Variants in GRIN2B observed in about 807,000 individuals in gnomAD.
GRIN2B encodes glutamate receptor ionotropic, NMDA 2B.
A neutral mutation model predicts 114.5 loss-of-function variants in GRIN2B; 5 were observed. The observed-to-expected ratio is 0.04, with a 90% CI of 0.02 to 0.09. The LOEUF (loss-of-function observed/expected upper bound fraction) is 0.09. Ranked by LOEUF, GRIN2B falls within the 10% of genes least tolerant of loss-of-function variation. The pLI, the probability that GRIN2B is intolerant of heterozygous loss-of-function variation, is 1.00. For missense variants in GRIN2B, 1,108 were observed against 1,943.5 expected, an observed-to-expected ratio of 0.57 and a Z score of 8.08; for synonymous variants, 787 against 745.1, an observed-to-expected ratio of 1.06 and a Z score of -0.92.
chr12:13,723,736 T>C (rs1862922290), intron 4 of GRIN2B, among the ~76,000 whole-genome samples: 1 of 152,090 alleles, frequency 6.6e-6, no homozygotes, highest in Non-Finnish European at 1.5e-5. Flanking sequence ...GGGTAACGTA[T>C]TGGGTTATGT....
intron 3 of GRIN2B, among the ~76,000 whole-genome samples, chr12:13,793,288 G>C (rs1864352236): frequency 6.6e-6 from 1 of 152,138 alleles, no homozygotes; most frequent in Non-Finnish European, 1.5e-5. Context: ...AGGAGTGGTG[G>C]TGCATACCTA....
chr12:13,676,395 G>A (rs1950074686), intron 4 of GRIN2B, among the ~76,000 whole-genome samples: 1 of 152,064 alleles, frequency 6.6e-6, no homozygotes, highest in African/African-American at 2.4e-5. Flanking sequence ...GTTCAGCCTA[G>A]AGGTATGACT....
At chr12:13,886,526 G>C (rs568669382) in intron 2 of GRIN2B, among the ~76,000 whole-genome samples, 2 of 152,256 alleles carry the variant, frequency 1.3e-5, no homozygotes, top group South Asian at 2.1e-4. Flanking sequence ...TTGAACAGAG[G>C]AGTATTGATG....
At chr12:13,734,521 T>C (rs951515916) in intron 4 of GRIN2B, among the ~76,000 whole-genome samples, 3 of 152,226 alleles carry the variant, frequency 2.0e-5, no homozygotes, top group African/African-American at 7.2e-5. Flanking sequence ...TTTTCACACA[T>C]GAAGATGGCA....
At chr12:13,595,835 T>C (rs772668165) in intron 10 of GRIN2B, among the ~76,000 whole-genome samples, 1 of 152,174 alleles carries the variant, frequency 6.6e-6, no homozygotes, top group Non-Finnish European at 1.5e-5. Context: ...TATAGGTAGT[T>C]GGCCACAATT....
At chr12:13,890,285 A>T (rs1320831230) in intron 2 of GRIN2B, among the ~76,000 whole-genome samples, 1 of 152,180 alleles carries the variant, frequency 6.6e-6, no homozygotes, top group Non-Finnish European at 1.5e-5. Context: ...TGGTTTTAAC[A>T]TCCTGTGAAG....
chr12:13,876,557 C>T (rs866802238), intron 2 of GRIN2B, among the ~76,000 whole-genome samples: 5 of 152,188 alleles, frequency 3.3e-5, no homozygotes, highest in Middle Eastern at 3.2e-3. Context: ...TACTTAAATT[C>T]TAATCCCAGG....
intron 2 of GRIN2B, among the ~76,000 whole-genome samples, chr12:13,913,894 T>A (rs1402482562): frequency 6.6e-6 from 1 of 152,196 alleles, no homozygotes; most frequent in African/African-American, 2.4e-5. Flanking sequence ...AGTATCTACC[T>A]CATAGAGTAG....
At position 13,564,691 on chromosome 12, in the gene GRIN2B, C is replaced by T; in HGVS notation, c.2599-52G>A. ...AGATCTCCAGAGAGGCTAGAAATGACCACAAAAAACACTCTCCCACCAATA... is the reference window on the plus strand; with the variant it reads ...AGATCTCCAGAGAGGCTAGAAATGATCACAAAAAACACTCTCCCACCAATA... On this transcript the variant is annotated intron_variant, in intron 13 of 13. Coordinates refer to ENST00000609686, the MANE Select transcript of GRIN2B (RefSeq NM_000834.5). The surrounding 1 kb of genome is among the most constrained non-coding windows in gnomAD (Gnocchi z 4.8). The T allele has an allele frequency of 6.7e-7, 1 of 1,488,498 alleles. No homozygotes were observed. Among genetic ancestry groups the T allele is most frequent in the Non-Finnish European group, 9.3e-7 (1 of 1,069,728 alleles). The allele number at this position is 1,488,498 out of a possible 1,614,324, so 92.2% of individuals were successfully genotyped here. A position where few individuals can be genotyped will look rare whatever the true frequency, so the allele number is the denominator to read the frequency against.
intron 2 of GRIN2B, among the ~76,000 whole-genome samples, chr12:13,880,797 G>C (rs1409422898): frequency 6.6e-6 from 1 of 152,214 alleles, no homozygotes; most frequent in African/African-American, 2.4e-5. Context: ...GCCTGCAACT[G>C]CCCTGTGTAC....
At chr12:13,681,417 C>T (rs968262099) in intron 4 of GRIN2B, among the ~76,000 whole-genome samples, 2 of 152,114 alleles carry the variant, frequency 1.3e-5, no homozygotes, top group African/African-American at 4.8e-5. Context: ...TTTCATATCT[C>T]TCATTTTCCT....
At chr12:13,845,189 G>GA (rs1206539908) in intron 3 of GRIN2B, among the ~76,000 whole-genome samples, 1 of 152,110 alleles carries the variant, frequency 6.6e-6, no homozygotes, top group Non-Finnish European at 1.5e-5. Context: ...CACCCAAATA[G>GA]AATTTAGATT....
intron 9 of GRIN2B, among the ~76,000 whole-genome samples, chr12:13,609,090 C>A (rs1949325298): frequency 6.6e-6 from 1 of 152,190 alleles, no homozygotes; most frequent in African/African-American, 2.4e-5. Flanking sequence ...AACTAACAGT[C>A]ATGACTCCCC....
At chr12:13,930,123 G>A (rs1012748216) in intron 2 of GRIN2B, among the ~76,000 whole-genome samples, 2 of 152,132 alleles carry the variant, frequency 1.3e-5, no homozygotes, top group Non-Finnish European at 2.9e-5. Flanking sequence ...GGTGGAAGCT[G>A]CAGTGAGTTG....
intron 3 of GRIN2B, among the ~76,000 whole-genome samples, chr12:13,812,599 C>G (rs115470666): frequency 0.017 from 2,519 of 152,126 alleles, 81 homozygotes; most frequent in African/African-American, 0.059. Context: ...CAAATGAACA[C>G]TGCAAATGAT....
chr12:13,891,036 G>A (rs1866253530), intron 2 of GRIN2B, among the ~76,000 whole-genome samples: 1 of 152,170 alleles, frequency 6.6e-6, no homozygotes, highest in Non-Finnish European at 1.5e-5. Flanking sequence ...GTGATGCAGA[G>A]CCACCTTCAG....
At chr12:13,972,179 G>A (rs1862934619) in intron 2 of GRIN2B, among the ~76,000 whole-genome samples, 1 of 152,078 alleles carries the variant, frequency 6.6e-6, no homozygotes, top group Non-Finnish European at 1.5e-5. Flanking sequence ...TTAACTCTTT[G>A]GGGTAGGGTC....
At chr12:13,603,000 C>T (rs1052211940) in intron 10 of GRIN2B, among the ~76,000 whole-genome samples, 1 of 152,168 alleles carries the variant, frequency 6.6e-6, no homozygotes, top group Non-Finnish European at 1.5e-5. Flanking sequence ...GCAGCCTCCA[C>T]CTCCCTGTGG....
chr12:13,586,031 C>A (rs1225048111), intron 10 of GRIN2B, among the ~76,000 whole-genome samples: 1 of 152,166 alleles, frequency 6.6e-6, no homozygotes, highest in African/African-American at 2.4e-5. Context: ...GTGACTGCTA[C>A]AAAAGTGAAA....
Sources: allele counts gnomAD v4.1 joint callset (sites outside exome capture counted in the v4.1 genomes callset), GRCh38; gene constraint gnomAD v4.1.1; non-coding constraint Gnocchi (gnomAD v3.1); transcripts MANE v1.5; gene names NCBI Gene and HGNC (gene_info 2026-07-23, HGNC 2026-07-21).